PHYHIP: variants seen among roughly 807,000 people sequenced by gnomAD.
PHYHIP encodes phytanoyl-CoA hydroxylase-interacting protein.
In PHYHIP, 7 loss-of-function variants were observed where a neutral mutation model predicts 26.1. That is an observed-to-expected ratio of 0.27 (90% CI 0.15 to 0.50). The LOEUF (loss-of-function observed/expected upper bound fraction) is 0.50, where lower values mean the gene tolerates loss of function less well. PHYHIP is among the 20% of genes least tolerant of loss of function. PHYHIP has a pLI of 0.98. For missense variants in PHYHIP, 232 were observed against 454.7 expected (o/e 0.51, Z 4.45); for synonymous variants, 206 against 183.4 (o/e 1.12, Z -1.00).
At chr8:22,230,185 G>A (rs2131934446) in intron 1 of PHYHIP, among the ~76,000 whole-genome samples, 1 of 152,140 alleles carries the variant, frequency 6.6e-6, no homozygotes, top group African/African-American at 2.4e-5. Flanking sequence ...CTCCCAGGGA[G>A]ACACACATGT....
chr8:22,220,211 C>G lies in PHYHIP; in HGVS notation c.*1142G>C, dbSNP rs1286154911. ...CTTTGTTGATTGTAGGGAGTCCACC[C>G]TCGTGACCTGTGTGACAGTAGGAAT... On this transcript the variant is annotated 3_prime_UTR_variant, in exon 5 of 5. Coordinates refer to ENST00000454243, the MANE Select transcript of PHYHIP (RefSeq NM_014759.5). The G allele has an allele frequency of 6.6e-6, 1 of 152,266 alleles. No individual in the cohort carries two copies. Among genetic ancestry groups the G allele is most frequent in the Non-Finnish European group, 1.5e-5 (1 of 68,084 alleles). 9.4% of individuals were successfully genotyped at this position (152,266 alleles called of 1,614,324 possible). A position where few individuals can be genotyped will look rare whatever the true frequency, so the allele number is the denominator to read the frequency against.
rs916907225 is a variant in PHYHIP, at chr8:22,229,126, A to T, written c.-29-740T>A. Reference sequence around the variant, plus strand: ...GTGCTCATAATTTCACAGACGTCTCATGCAACCTTGGAAGTAGGCACACAC... The same window carrying T: ...GTGCTCATAATTTCACAGACGTCTCTTGCAACCTTGGAAGTAGGCACACAC... On this transcript the variant is annotated intron_variant, in intron 1 of 4. Coordinates refer to ENST00000454243, the MANE Select transcript of PHYHIP (RefSeq NM_014759.5). Among the ~76,000 whole-genome samples the T allele has an allele frequency of 7.2e-5, 11 of 152,302 alleles. No individual in the cohort carries two copies. The South Asian group carries it at 2.1e-3, about 29-fold the overall frequency.
In PHYHIP at chr8:22,232,094, A is replaced by C. The variant is rs1028373011; in HGVS notation, c.-328T>G. On this transcript the variant is annotated 5_prime_UTR_variant, in exon 1 of 5. Coordinates refer to ENST00000454243, the MANE Select transcript of PHYHIP (RefSeq NM_014759.5). ...TGGAGGAGAGAGAGGCAGAGAAGGG[A>C]GAAAGAACGAGAGAGCCAGACCGAA... 3.2e-5 allele frequency: 5 copies of C among 153,958 alleles called. No individual in the cohort carries two copies. The highest frequency in any genetic ancestry group is 1.2e-4 in the African/African-American group (5 of 41,450). The allele number at this position is 153,958 out of a possible 1,614,324, so 9.5% of individuals were successfully genotyped here.
At chr8:22,228,534 G>T in intron 1 of PHYHIP, 148 bp from the exon 2 acceptor site, 1 of 573,332 alleles carries the variant, frequency 1.7e-6, no homozygotes, top group Non-Finnish European at 3.1e-6. Context: ...CTGTACAGGG[G>T]AGGCTGGAGA....
Position 22,228,311 on chromosome 8 carries a change from G to T in PHYHIP, c.47C>A (p.Thr16Asn). The T allele has an allele frequency of 6.2e-7, 1 of 1,610,372 alleles. No homozygotes were observed. The highest frequency in any genetic ancestry group is 1.3e-5 in the African/African-American group (1 of 74,972). ...TPHSIEINNI[T>N]CDSFRISWAM... ...CCAGGAGATGCGGAAGGAGTCGCAG[G>T]TGATGTTGTTGATCTCAATGCTGTG... Residue 16 changes from threonine to asparagine, a missense_variant, in exon 2 of 5, where the codon ACC (threonine) becomes AAC (asparagine). Physicochemically the swap from Thr to Asn is moderately conservative, Grantham distance 65. Coordinates refer to ENST00000454243, the MANE Select transcript of PHYHIP (RefSeq NM_014759.5).
Position 22,228,296 on chromosome 8 carries a change from C to T in PHYHIP, c.62G>A (p.Arg21His), listed in dbSNP as rs752742189. Reference sequence around the variant, plus strand: ...ACTGTCCTCCATGGCCCAGGAGATGCGGAAGGAGTCGCAGGTGATGTTGTT... The same window carrying T: ...ACTGTCCTCCATGGCCCAGGAGATGTGGAAGGAGTCGCAGGTGATGTTGTT... The part of the protein sequence containing the change: ...EINNITCDSF[R>H]ISWAMEDSDL... Residue 21 changes from arginine to histidine, a missense_variant, in exon 2 of 5, where the codon CGC becomes CAC. Coordinates refer to ENST00000454243, the MANE Select transcript of PHYHIP (RefSeq NM_014759.5). 1.2e-6 allele frequency: 2 copies of T among 1,611,746 alleles called. No individual in the cohort carries two copies. The highest frequency in any genetic ancestry group is 1.7e-6 in the Non-Finnish European group (2 of 1,179,256).
At chr8:22,230,874 C>A (rs1021736671) in intron 1 of PHYHIP, among the ~76,000 whole-genome samples, 4 of 152,188 alleles carry the variant, frequency 2.6e-5, no homozygotes, top group Non-Finnish European at 5.9e-5. Flanking sequence ...CACCGCCTCA[C>A]AAGCCATATG....
intron 2 of PHYHIP, chr8:22,227,704 G>A (rs1259752627): frequency 2.2e-6 from 1 of 456,720 alleles, no homozygotes; most frequent in Admixed American, 2.3e-5. Context: ...AGGCCAGCAG[G>A]TGAGGGGCCC....
At chr8:22,230,862 C>T (rs1406021689) in intron 1 of PHYHIP, among the ~76,000 whole-genome samples, 1 of 152,086 alleles carries the variant, frequency 6.6e-6, no homozygotes. Flanking sequence ...CACGTCCACG[C>T]ACACCGCCTC....
chr8:22,227,165 T>C, intron 2 of PHYHIP, 140 bp from the exon 3 acceptor site: 2 of 748,686 alleles, frequency 2.7e-6, no homozygotes, highest in South Asian at 1.9e-5. Context: ...AATGGCTCCA[T>C]ACCCTGGCCA....
chr8:22,227,071 T>C, intron 2 of PHYHIP, 46 bp from the exon 3 acceptor site: 2 of 1,530,582 alleles, frequency 1.3e-6, no homozygotes, highest in Non-Finnish European at 1.8e-6. Flanking sequence ...AAACAGGGGT[T>C]CATGCCCAAT....
chr8:22,224,402 C>T, intron 3 of PHYHIP, 59 bp from the exon 4 acceptor site: 1 of 924,762 alleles, frequency 1.1e-6, no homozygotes, highest in Non-Finnish European at 1.8e-6. Flanking sequence ...ACAAACACCT[C>T]CTGTCCCCAC....
At position 22,227,035 on chromosome 8, in the gene PHYHIP, A is replaced by G; in HGVS notation, c.166-10T>C. ...GCTTGGTGGGGACGTCCTGAGAAAC[A>G]GGGTACAAACAGAGAGCCAGGCGTC... On this transcript the variant is annotated splice_polypyrimidine_tract_variant and intron_variant, in intron 2 of 4. Transcript: ENST00000454243. 6.2e-7 allele frequency: 1 copy of G among 1,606,778 alleles called. No homozygotes were observed. The highest frequency in any genetic ancestry group is 8.5e-7 in the Non-Finnish European group (1 of 1,177,238).
chr8:22,229,551 G>C (rs962401136), intron 1 of PHYHIP, among the ~76,000 whole-genome samples: 1 of 152,176 alleles, frequency 6.6e-6, no homozygotes, highest in Non-Finnish European at 1.5e-5. Flanking sequence ...GCCTAGCTCC[G>C]GGATGGGGAA....
At chr8:22,227,510 G>A in intron 2 of PHYHIP, 1 of 421,376 alleles carries the variant, frequency 2.4e-6, no homozygotes. Context: ...AAGAGAGCGG[G>A]TGAGTAACCC....
At position 22,221,984 on chromosome 8, in the gene PHYHIP, GC is replaced by G; in HGVS notation, c.459-98del. ...CTGCGTGTGGTCGAGGAGGGAGGAA[GC>G]CAGCCCAGCTCCCAGCCCTCCCCCA... On this transcript the variant is annotated intron_variant, in intron 4 of 4. Coordinates refer to ENST00000454243, the MANE Select transcript of PHYHIP (RefSeq NM_014759.5). The surrounding 1 kb of genome is among the most constrained non-coding windows in gnomAD (Gnocchi z 7.9). The G allele has an allele frequency of 9.5e-7, 1 of 1,056,728 alleles. No individual in the cohort carries two copies. Among genetic ancestry groups the G allele is most frequent in the Non-Finnish European group, 1.3e-6 (1 of 753,592 alleles). 65.5% of individuals were successfully genotyped at this position (1,056,728 alleles called of 1,614,324 possible).
At chr8:22,222,614 C>A (rs978188641) in intron 4 of PHYHIP, among the ~76,000 whole-genome samples, 30 of 152,320 alleles carry the variant, frequency 2.0e-4, no homozygotes, top group Non-Finnish European at 2.9e-5. Context: ...TACATGAAAT[C>A]TTTCCATACT....
chr8:22,221,704 G>T lies in PHYHIP; in HGVS notation c.642C>A (p.Phe214Leu). 6.2e-7 allele frequency: 1 copy of T among 1,613,138 alleles called. No homozygotes were observed. Among genetic ancestry groups the T allele is most frequent in the Non-Finnish European group, 8.5e-7 (1 of 1,179,728 alleles). ...WRFQIPAQRL[F>L]NPSTNLYFAD... ...CAAAGTAGAGGTTGGTGCTGGGATT[G>T]AAGAGGCGCTGAGCTGGGATCTGGA... The change falls in exon 5 of 5, where the codon TTC becomes TTA. Residue 214 changes from phenylalanine (F) to leucine (L), a missense_variant. Physicochemically the swap from Phe to Leu is conservative, Grantham distance 22. Transcript: ENST00000454243. The surrounding 1 kb of genome is among the most constrained non-coding windows in gnomAD (Gnocchi z 7.9).
intron 1 of PHYHIP, among the ~76,000 whole-genome samples, chr8:22,231,475 G>A (rs930033250): frequency 9.2e-5 from 14 of 152,132 alleles, no homozygotes; most frequent in Non-Finnish European, 2.9e-5. Context: ...ACACACACAC[G>A]CCGCGCACAC....
Sources: gnomAD v4.1 joint callset for allele counts (sites outside exome capture counted in the v4.1 genomes callset) on GRCh38, gnomAD v4.1.1 for gene constraint, Gnocchi (gnomAD v3.1) non-coding constraint, MANE v1.5 for transcripts, NCBI Gene and HGNC (gene_info 2026-07-23, HGNC 2026-07-21) for gene names.